GNA13: variants seen among roughly 807,000 people sequenced by gnomAD.
GNA13 encodes guanine nucleotide-binding protein subunit alpha-13.
Under a neutral mutation model 33.5 loss-of-function variants are expected in GNA13, and 4 were observed. That is an observed-to-expected ratio of 0.12 (90% CI 0.06 to 0.27). The LOEUF (loss-of-function observed/expected upper bound fraction) is 0.27. Ranked by LOEUF, GNA13 falls within the 10% of genes least tolerant of loss-of-function variation. The pLI, the probability that GNA13 is intolerant of heterozygous loss-of-function variation, is 1.00. For missense variants in GNA13, 319 were observed against 487.2 expected (o/e 0.65, Z 3.25); for synonymous variants, 176 against 183.8 (o/e 0.96, Z 0.34).
intron 3 of GNA13, among the ~76,000 whole-genome samples, 138 bp downstream of exon 3, chr17:65,018,092 TAAAAAAAAAAAAAAAAAAAAAAA>T (rs767082596): frequency 0.035 from 757 of 21,514 alleles, 70 homozygotes; most frequent in Admixed American, 0.2. Flanking sequence ...ACGCCACCAC[TAAAAAAAAAAAAAAAAAAAAAAA>T]AAAAAAAAAA....
At chr17:65,045,867 G>A (rs551052710) in intron 2 of GNA13, among the ~76,000 whole-genome samples, 8 of 152,322 alleles carry the variant, frequency 5.3e-5, no homozygotes, top group Admixed American at 2.0e-4. Context: ...TTATTTGTAT[G>A]TATGGGTGGT....
chr17:65,019,140 T>C (rs533289499), intron 2 of GNA13, among the ~76,000 whole-genome samples: 1 of 152,202 alleles, frequency 6.6e-6, no homozygotes, highest in East Asian at 1.9e-4. Flanking sequence ...GGGCATCATG[T>C]GAAGATCTCC....
At chr17:65,023,281 A>G (rs1196410159) in intron 2 of GNA13, among the ~76,000 whole-genome samples, 1 of 152,262 alleles carries the variant, frequency 6.6e-6, no homozygotes, top group Non-Finnish European at 1.5e-5. Context: ...TATTGTGCTC[A>G]TGAACGAGTA....
At chr17:65,042,220 T>C (rs1253453553) in intron 2 of GNA13, among the ~76,000 whole-genome samples, 1 of 151,612 alleles carries the variant, frequency 6.6e-6, no homozygotes, top group East Asian at 1.9e-4. Flanking sequence ...TAGCCAGGTG[T>C]GGTGGCACAT....
chr17:65,056,260 CGCCCCAG>C, intron 1 of GNA13, 44 bp downstream of exon 1: 12 of 1,196,294 alleles, frequency 1.0e-5, no homozygotes, highest in Non-Finnish European at 1.2e-5. Flanking sequence ...CACCCGCCGC[CGCCCCAG>C]CCCCCCTGCC....
rs143947137 is a variant in GNA13, at chr17:65,041,432, T to C, written c.510+12070A>G. Among the ~76,000 whole-genome samples, 138 of 152,310 alleles carry C rather than the reference T, an allele frequency of 9.1e-4. 5 individuals are homozygous for C. In the East Asian group the frequency reaches 0.016, roughly 17 times the overall value. ...TCCATGAGAAAAAGTAGATATTCTC[T>C]AGACTTTTTAGTTGGTTTTTATACA... On this transcript the variant is annotated intron_variant, in intron 2 of 3. Coordinates refer to ENST00000439174, the MANE Select transcript of GNA13 (RefSeq NM_006572.6).
chr17:65,031,921 A>AGAGAGAGAGTGTGTGTGT (rs770161529), intron 2 of GNA13, among the ~76,000 whole-genome samples: 79 of 91,496 alleles, frequency 8.6e-4, no homozygotes, highest in African/African-American at 1.1e-3. Flanking sequence ...AGAGAGAGAG[A>AGAGAGAGAGTGTGTGTGT]GTGTGTGTGT....
rs965377644 is a variant in GNA13, at chr17:65,011,967, C to T, written c.*2290G>A. The T allele has an allele frequency of 4.4e-6, 1 of 226,490 alleles. No individual in the cohort carries two copies. The highest frequency in any genetic ancestry group is 5.7e-5 in the Admixed American group (1 of 17,562). The allele number at this position is 226,490 out of a possible 1,614,324, so 14.0% of individuals were successfully genotyped here. A position where few individuals can be genotyped will look rare whatever the true frequency, so the allele number is the denominator to read the frequency against. ...CCTTTAGATTGAACTTAAAGTTCTACTGAATGTCAAAACAAGCCTAAGTTG... is the reference window on the plus strand; with the variant it reads ...CCTTTAGATTGAACTTAAAGTTCTATTGAATGTCAAAACAAGCCTAAGTTG... On this transcript the variant is annotated 3_prime_UTR_variant, in exon 4 of 4. Coordinates refer to ENST00000439174, the MANE Select transcript of GNA13 (RefSeq NM_006572.6).
Position 65,013,473 on chromosome 17 carries a change from T to C in GNA13, c.*784A>G, listed in dbSNP as rs892274103. On this transcript the variant is annotated 3_prime_UTR_variant, in exon 4 of 4. Transcript: ENST00000439174. ...TTTAGTTGCTGCTATGGCCAGAATG[T>C]TTCACATATGGTACATTAAACTACA... 1.4e-5 allele frequency: 3 copies of C among 212,090 alleles called. No homozygotes were observed. Among genetic ancestry groups the C allele is most frequent in the African/African-American group, 6.8e-5 (3 of 44,184 alleles). 13.1% of individuals were successfully genotyped at this position (212,090 alleles called of 1,614,324 possible).
At chr17:65,024,402 A>G (rs1906698397) in intron 2 of GNA13, among the ~76,000 whole-genome samples, 2 of 152,270 alleles carry the variant, frequency 1.3e-5, no homozygotes, top group South Asian at 2.1e-4. Context: ...ATCCCAATAA[A>G]CAAAATGTTA....
At chr17:65,020,295 A>C (rs576673898) in intron 2 of GNA13, among the ~76,000 whole-genome samples, 1 of 152,338 alleles carries the variant, frequency 6.6e-6, no homozygotes, top group East Asian at 1.9e-4. Flanking sequence ...TTTCTCTAAC[A>C]AGGAGTGATC....
intron 2 of GNA13, among the ~76,000 whole-genome samples, chr17:65,019,263 A>G (rs1346739824): frequency 6.6e-6 from 1 of 152,078 alleles, no homozygotes; most frequent in Non-Finnish European, 1.5e-5. Context: ...CAGTTCTATA[A>G]TTTTTTGGTC....
At chr17:65,037,430 C>G (rs573577782) in intron 2 of GNA13, among the ~76,000 whole-genome samples, 1 of 152,286 alleles carries the variant, frequency 6.6e-6, no homozygotes, top group East Asian at 1.9e-4. Context: ...GTCAGCATAT[C>G]CAACTTTCCT....
chr17:65,026,267 T>C lies in GNA13; in HGVS notation c.511-7964A>G, dbSNP rs186920694. 2.0e-3 allele frequency among the ~76,000 whole-genome samples: 304 copies of C among 151,378 alleles called. 3 individuals carry two copies. The highest frequency in any genetic ancestry group is 7.2e-3 in the African/African-American group (298 of 41,284). On this transcript the variant is annotated intron_variant, in intron 2 of 3. Coordinates refer to ENST00000439174, the MANE Select transcript of GNA13 (RefSeq NM_006572.6). ...CAACCCTTAAACAAACCTCAAATCC[T>C]TCAAATCAAGACTACACTATCCCTC...
intron 3 of GNA13, among the ~76,000 whole-genome samples, chr17:65,015,662 TAAAA>T (rs59210481): frequency 1.3e-4 from 10 of 74,720 alleles, no homozygotes; most frequent in African/African-American, 4.0e-4. Context: ...GACTTTGTCT[TAAAA>T]AAAAAAAAAA....
At chr17:65,033,855 A>G (rs1278108017) in intron 2 of GNA13, among the ~76,000 whole-genome samples, 1 of 151,878 alleles carries the variant, frequency 6.6e-6, no homozygotes, top group Non-Finnish European at 1.5e-5. Flanking sequence ...TCTACTAAAA[A>G]TACAAAAATT....
In GNA13 at chr17:65,013,954, T is replaced by C. The variant is rs1039199407; in HGVS notation, c.*303A>G. 40 of 344,340 alleles carry C rather than the reference T, an allele frequency of 1.2e-4. No homozygotes were observed. The highest frequency in any genetic ancestry group is 1.7e-4 in the Non-Finnish European group (31 of 187,546). The allele number at this position is 344,340 out of a possible 1,614,324, so 21.3% of individuals were successfully genotyped here. A position where few individuals can be genotyped will look rare whatever the true frequency, so the allele number is the denominator to read the frequency against. ...CTGCAGGAGAATTCAGTTTGGAAAGTAGAATAATTTAAAGCCTGAAATATG... is the reference window on the plus strand; with the variant it reads ...CTGCAGGAGAATTCAGTTTGGAAAGCAGAATAATTTAAAGCCTGAAATATG... On this transcript the variant is annotated 3_prime_UTR_variant, in exon 4 of 4. Transcript: ENST00000439174.
intron 2 of GNA13, among the ~76,000 whole-genome samples, chr17:65,032,693 T>C (rs867495589): frequency 6.6e-6 from 1 of 152,240 alleles, no homozygotes; most frequent in African/African-American, 2.4e-5. Flanking sequence ...TTTTATTTAA[T>C]GCCTTTCCAA....
chr17:65,015,817 G>A (rs1481536833), intron 3 of GNA13, among the ~76,000 whole-genome samples: 2 of 151,962 alleles, frequency 1.3e-5, no homozygotes, highest in African/African-American at 2.4e-5. Flanking sequence ...AAACTTCTAT[G>A]TTTTCATTGC....
Sources: allele counts gnomAD v4.1 joint callset (sites outside exome capture counted in the v4.1 genomes callset), GRCh38; gene constraint gnomAD v4.1.1; transcripts MANE v1.5; gene names NCBI Gene and HGNC (gene_info 2026-07-23, HGNC 2026-07-21).